KIAA2012: variants seen among roughly 807,000 people sequenced by gnomAD.
KIAA2012 encodes uncharacterized protein KIAA2012.
KIAA2012 carries 125 observed loss-of-function variants against 150.6 expected under a neutral mutation model. The ratio of observed to expected loss-of-function variants is 0.83; its 90% CI spans 0.72 to 0.96. The LOEUF (loss-of-function observed/expected upper bound fraction) is 0.96, where lower values mean the gene tolerates loss of function less well. KIAA2012 is among the 40% of genes least tolerant of loss of function. The pLI is 0.00. For synonymous variants in KIAA2012, 462 were observed against 504.7 expected, an observed-to-expected ratio of 0.92 and a Z score of 1.13; for missense variants, 1,219 against 1,354.9, an observed-to-expected ratio of 0.90 and a Z score of 1.57.
Position 202,109,667 on chromosome 2 carries a change from T to C in KIAA2012, c.1529T>C (p.Ile510Thr). The C allele has an allele frequency of 6.5e-7, 1 of 1,550,144 alleles. No individual in the cohort carries two copies. The highest frequency in any genetic ancestry group is 8.7e-7 in the Non-Finnish European group (1 of 1,146,764). ...VAPPLDLLPP[I>T]KGKKSPESQK... ...CCACCATTGGATCTTCTACCCCCGA[T>C]TAAAGGAAAAAAAAGTCCTGAGAGC... Residue 510 changes from isoleucine to threonine, a missense_variant, in exon 10 of 24, where the codon ATT (isoleucine) becomes ACT (threonine). Ile to Thr is a moderately conservative substitution (Grantham distance 89, BLOSUM62 -1). Transcript: ENST00000498697.
At chr2:202,143,257 T>C (rs539454182) in intron 13 of KIAA2012, among the ~76,000 whole-genome samples, 2 of 151,978 alleles carry the variant, frequency 1.3e-5, no homozygotes, top group East Asian at 3.9e-4. Flanking sequence ...GCTAATTTTT[T>C]TGTATTTTAG....
At chr2:202,084,366 G>T (rs1006509504) in intron 2 of KIAA2012, among the ~76,000 whole-genome samples, 1 of 152,154 alleles carries the variant, frequency 6.6e-6, no homozygotes, top group Non-Finnish European at 1.5e-5. Flanking sequence ...CAGCCAGTGC[G>T]GGGGAAGGGA....
intron 13 of KIAA2012, among the ~76,000 whole-genome samples, chr2:202,148,649 C>T: frequency 6.6e-6 from 1 of 152,140 alleles, no homozygotes; most frequent in East Asian, 1.9e-4. Flanking sequence ...GGGGGTTCTG[C>T]TGCTCCTCAG....
intron 3 of KIAA2012, 37 bp downstream of exon 3, chr2:202,090,966 T>G (rs1322918766): frequency 1.3e-6 from 2 of 1,516,268 alleles, no homozygotes; most frequent in African/African-American, 2.8e-5. Context: ...CACCCCAAAC[T>G]GCCCCACCTC....
At chr2:202,160,805 T>C (rs907458419) in intron 14 of KIAA2012, among the ~76,000 whole-genome samples, 1 of 152,216 alleles carries the variant, frequency 6.6e-6, no homozygotes, top group Admixed American at 6.5e-5. Flanking sequence ...CTCTTCCTGG[T>C]TAAGCCTTTT....
At chr2:202,097,606 C>A in intron 5 of KIAA2012, 29 bp downstream of exon 5, 1 of 1,538,140 alleles carries the variant, frequency 6.5e-7, no homozygotes, top group Non-Finnish European at 8.8e-7. Flanking sequence ...TTTTTTTTCC[C>A]CGAGACGGAG....
intron 5 of KIAA2012, among the ~76,000 whole-genome samples, chr2:202,098,789 CGT>C (rs10536026): frequency 0.011 from 1,650 of 148,464 alleles, 12 homozygotes; most frequent in African/African-American, 0.025. Context: ...ACTCTAAGGC[CGT>C]GTGTGTGTGT....
intron 13 of KIAA2012, among the ~76,000 whole-genome samples, chr2:202,151,091 T>C (rs1473988596): frequency 2.6e-5 from 4 of 152,128 alleles, no homozygotes; most frequent in Non-Finnish European, 5.9e-5. Context: ...ATCCCCTGCT[T>C]ACCTCTAAAT....
At chr2:202,182,731 T>A (rs1026481988) in intron 15 of KIAA2012, among the ~76,000 whole-genome samples, 13 of 152,290 alleles carry the variant, frequency 8.5e-5, no homozygotes, top group Admixed American at 5.9e-4. Context: ...TTAACTTTTT[T>A]AAAAACTGCC....
At position 202,125,258 on chromosome 2, in the gene KIAA2012, C is replaced by T. The variant is rs1029700971; in HGVS notation, c.1807C>T (p.Pro603Ser). ...AAATATCAGCCATGAAGAGGAAGGG[C>T]CTAGTAGTCAGCATTTCCTAAAAGG... ...NSNISHEEEGPSSQHFLKANT... is the reference protein window; with the variant it reads ...NSNISHEEEGSSSQHFLKANT... The change falls in exon 12 of 24, where the codon CCT becomes TCT. Residue 603 changes from proline (P) to serine (S), a missense_variant. Physicochemically the swap from Pro to Ser is moderately conservative, Grantham distance 74. Coordinates refer to ENST00000498697, the MANE Select transcript of KIAA2012 (RefSeq NM_001277372.4). 3.0e-5 allele frequency: 46 copies of T among 1,550,148 alleles called. No individual in the cohort carries two copies. Among genetic ancestry groups the T allele is most frequent in the Middle Eastern group, 1.7e-4 (1 of 6,012 alleles).
chr2:202,153,261 G>A (rs2105951613), intron 13 of KIAA2012, among the ~76,000 whole-genome samples: 1 of 152,290 alleles, frequency 6.6e-6, no homozygotes, highest in East Asian at 1.9e-4. Flanking sequence ...CCAGTCTAGA[G>A]GAGGAGGAGA....
chr2:202,196,501 C>A (rs1171208768), intron 21 of KIAA2012, among the ~76,000 whole-genome samples: 1 of 152,088 alleles, frequency 6.6e-6, no homozygotes, highest in African/African-American at 2.4e-5. Flanking sequence ...GGCCAGGAAG[C>A]ACCAAGTTTC....
chr2:202,097,407 C>G lies in KIAA2012; in HGVS notation c.686-28C>G, dbSNP rs1449613180. Reference sequence around the variant, plus strand: ...AACACCACGTCCATTTCCAGGGTGACAAGCTGACCCATTGTTCACCATTGC... The same window carrying G: ...AACACCACGTCCATTTCCAGGGTGAGAAGCTGACCCATTGTTCACCATTGC... On this transcript the variant is annotated intron_variant, in intron 4 of 23. Coordinates refer to ENST00000498697, the MANE Select transcript of KIAA2012 (RefSeq NM_001277372.4). 21 of 1,549,422 alleles carry G rather than the reference C, an allele frequency of 1.4e-5. No individual in the cohort carries two copies. The East Asian group carries it at 3.2e-4, about 23-fold the overall frequency.
intron 11 of KIAA2012, among the ~76,000 whole-genome samples, chr2:202,117,385 G>A (rs1482291044): frequency 6.6e-6 from 1 of 152,232 alleles, no homozygotes; most frequent in Non-Finnish European, 1.5e-5. Context: ...TAAGTTGGTT[G>A]TGGGACCCCA....
At chr2:202,139,234 GA>G (rs112360052) in intron 13 of KIAA2012, among the ~76,000 whole-genome samples, 44,324 of 116,216 alleles carry the variant, frequency 0.38, 7,130 homozygotes, top group East Asian at 0.59. Context: ...CCTGTCTCAG[GA>G]AAAAAAAAAA....
intron 2 of KIAA2012, among the ~76,000 whole-genome samples, chr2:202,081,761 G>A (rs1689456539): frequency 6.6e-6 from 1 of 151,926 alleles, no homozygotes; most frequent in African/African-American, 2.4e-5. Context: ...TGGTCAGGCT[G>A]GTCTCGAACT....
At chr2:202,184,867 C>G in intron 16 of KIAA2012, 24 bp downstream of exon 16, 1 of 1,499,566 alleles carries the variant, frequency 6.7e-7, no homozygotes, top group Non-Finnish European at 9.0e-7. Flanking sequence ...GTTGTAATAA[C>G]ATAGGCTTCT....
intron 9 of KIAA2012, chr2:202,106,121 C>A (rs1271903864): frequency 1.3e-5 from 17 of 1,359,010 alleles, no homozygotes; most frequent in Non-Finnish European, 1.7e-5. Flanking sequence ...CAGTTACTTA[C>A]TCCCTAACTC....
intron 7 of KIAA2012, 82 bp from the exon 8 acceptor site, chr2:202,102,864 A>G: frequency 6.1e-6 from 8 of 1,305,356 alleles, no homozygotes; most frequent in Non-Finnish European, 8.4e-6. Context: ...AAGAGATACA[A>G]TAAGAGACAG....
Sources: gnomAD v4.1 joint callset for allele counts (sites outside exome capture counted in the v4.1 genomes callset) on GRCh38, gnomAD v4.1.1 for gene constraint, MANE v1.5 for transcripts, NCBI Gene and HGNC (gene_info 2026-07-23, HGNC 2026-07-21) for gene names.